FAAP24: variants seen among roughly 807,000 people sequenced by gnomAD.
FAAP24 encodes the protein FA core complex associated protein 24.
FAAP24 carries 16 observed loss-of-function variants against 14.3 expected under a neutral mutation model. The observed-to-expected ratio is 1.12, with a 90% CI of 0.76 to 1.69. The LOEUF is 1.69. Among genes scored for constraint, FAAP24 ranks in the 40% most tolerant of loss-of-function variants. FAAP24 has a pLI of 0.00. For missense variants in FAAP24, 234 were observed against 262.7 expected, an observed-to-expected ratio of 0.89 and a Z score of 0.75; for synonymous variants, 111 against 106.2, an observed-to-expected ratio of 1.04 and a Z score of -0.28.
Position 32,974,177 on chromosome 19 carries a change from A to G in FAAP24, c.361A>G (p.Ser121Gly), listed in dbSNP as rs1371954344. The G allele has an allele frequency of 6.2e-7, 1 of 1,613,942 alleles. No homozygotes were observed. The highest frequency in any genetic ancestry group is 1.1e-5 in the South Asian group (1 of 90,994). Residue 121 changes from serine (S) to glycine (G), a missense_variant, in exon 4 of 5, where the codon AGC (serine) becomes GGC (glycine). By Grantham distance (56) the Ser-to-Gly change is moderately conservative. Coordinates refer to ENST00000588258, the MANE Select transcript of FAAP24 (RefSeq NM_152266.5). ...DLGMVLLPVA[S>G]QMEASCLVIQ... ...TGGAATGGTGCTGCTTCCAGTGGCC[A>G]GCCAGATGGAAGCATCCTGCCTCGT...
Sources: gnomAD v4.1 joint callset for allele counts on GRCh38, gnomAD v4.1.1 for gene constraint, MANE v1.5 for transcripts, NCBI Gene and HGNC (gene_info 2026-07-23, HGNC 2026-07-21) for gene names.